The following ACKR3 variants were observed in gnomAD, a reference collection of about 807,000 sequenced individuals.
ACKR3 encodes the protein C-X-C chemokine receptor type 7.
In ACKR3, 6 loss-of-function variants were observed where a neutral mutation model predicts 22.4. The observed-to-expected ratio is 0.27, with a 90% CI of 0.15 to 0.53. ACKR3 has a LOEUF of 0.53. ACKR3 is among the 20% of genes least tolerant of loss of function. The pLI is 0.96. For synonymous variants in ACKR3, 209 were observed against 205.2 expected (o/e 1.02, Z -0.16); for missense variants, 396 against 475.2 (o/e 0.83, Z 1.55).
At chr2:236,576,700 G>A (rs1032956563) in intron 1 of ACKR3, among the ~76,000 whole-genome samples, 5 of 152,242 alleles carry the variant, frequency 3.3e-5, no homozygotes, top group African/African-American at 4.8e-5. Flanking sequence ...AGGCTGGGGC[G>A]GCCAGAGCCT....
At chr2:236,545,061 T>C in the ACKR3 span, among the ~76,000 whole-genome samples, 2 of 152,180 alleles carry the variant, frequency 1.3e-5, no homozygotes, top group Non-Finnish European at 2.9e-5. The surrounding 1 kb of genome is among the most constrained non-coding windows in gnomAD (Gnocchi z 5.3). Flanking sequence ...GAGCCTGATA[T>C]CTTGGGGCTG....
intron 1 of ACKR3, 42 bp downstream of exon 1, chr2:236,569,966 AG>A (rs1691275246): frequency 6.6e-6 from 1 of 152,280 alleles, no homozygotes; most frequent in Non-Finnish European, 1.5e-5. Flanking sequence ...CTCGGAAAGA[AG>A]GCACGGCTTC....
the ACKR3 span, among the ~76,000 whole-genome samples, chr2:236,551,900 C>T: frequency 5.3e-5 from 8 of 152,150 alleles, no homozygotes; most frequent in East Asian, 3.9e-4. Context: ...GCCCTGGTCC[C>T]GGCAGATCAA....
At chr2:236,566,798 T>G (rs1472105434), upstream of ACKR3, among the ~76,000 whole-genome samples, 1 of 146,156 alleles carries the variant, frequency 6.8e-6, no homozygotes, top group Non-Finnish European at 1.5e-5. Context: ...TCTCTGTTGC[T>G]TTCTTTCTTG....
At chr2:236,546,591 C>T in the ACKR3 span, among the ~76,000 whole-genome samples, 6 of 152,342 alleles carry the variant, frequency 3.9e-5, no homozygotes, top group Admixed American at 6.5e-5. This position sits in a 1 kb window ranked among gnomAD's most constrained non-coding sequence, Gnocchi z 4.9. Context: ...GCCTGCCAGA[C>T]GTGACCACCC....
the ACKR3 span, among the ~76,000 whole-genome samples, chr2:236,545,829 A>C: frequency 6.6e-6 from 1 of 152,230 alleles, no homozygotes; most frequent in East Asian, 1.9e-4. This position sits in a 1 kb window ranked among gnomAD's most constrained non-coding sequence, Gnocchi z 5.3. Flanking sequence ...AGTCATGTTT[A>C]TTTATTAAAT....
the ACKR3 span, among the ~76,000 whole-genome samples, chr2:236,549,950 T>A: frequency 6.6e-6 from 1 of 152,210 alleles, no homozygotes; most frequent in Admixed American, 6.5e-5. This position sits in a 1 kb window ranked among gnomAD's most constrained non-coding sequence, Gnocchi z 5.3. Context: ...TTTCTAGCTG[T>A]CTGGTGTTTC....
At chr2:236,543,876 T>G in the ACKR3 span, among the ~76,000 whole-genome samples, 1 of 146,198 alleles carries the variant, frequency 6.8e-6, no homozygotes, top group Non-Finnish European at 1.5e-5. Context: ...ATCCACGAAT[T>G]GAATTGTGCT....
At chr2:236,557,194 A>T in the ACKR3 span, among the ~76,000 whole-genome samples, 1 of 152,120 alleles carries the variant, frequency 6.6e-6, no homozygotes, top group Non-Finnish European at 1.5e-5. Flanking sequence ...GGAATTAGAG[A>T]TGCTGGTGGG....
At chr2:236,537,783 G>T in the ACKR3 span, among the ~76,000 whole-genome samples, 1 of 152,248 alleles carries the variant, frequency 6.6e-6, no homozygotes, top group African/African-American at 2.4e-5. Flanking sequence ...TCACCCACGT[G>T]CTCTCTTCCA....
upstream of ACKR3, among the ~76,000 whole-genome samples, chr2:236,569,261 A>G (rs76442878): frequency 8.6e-3 from 1,315 of 152,316 alleles, 7 homozygotes; most frequent in Middle Eastern, 0.034. Context: ...AGTATAATCT[A>G]TTATAAAGAC....
the ACKR3 span, among the ~76,000 whole-genome samples, chr2:236,548,222 T>C: frequency 6.6e-6 from 1 of 152,234 alleles, no homozygotes; most frequent in East Asian, 1.9e-4. The surrounding 1 kb of genome is among the most constrained non-coding windows in gnomAD (Gnocchi z 4.3). Context: ...ATGTATTTTA[T>C]GATTTAATTT....
At chr2:236,555,732 C>T in the ACKR3 span, among the ~76,000 whole-genome samples, 2 of 151,934 alleles carry the variant, frequency 1.3e-5, no homozygotes, top group African/African-American at 4.8e-5. Flanking sequence ...CCAGCAGATG[C>T]CTACTTTTTT....
At chr2:236,576,187 G>A (rs1174959789) in intron 1 of ACKR3, among the ~76,000 whole-genome samples, 2 of 152,258 alleles carry the variant, frequency 1.3e-5, no homozygotes, top group African/African-American at 4.8e-5. Context: ...GATTCCAGCA[G>A]AGGGTGACTG....
chr2:236,548,122 T>C, the ACKR3 span, among the ~76,000 whole-genome samples: 1 of 152,226 alleles, frequency 6.6e-6, no homozygotes, highest in Non-Finnish European at 1.5e-5. The surrounding 1 kb of genome is among the most constrained non-coding windows in gnomAD (Gnocchi z 4.3). Flanking sequence ...TTGCAGTCTG[T>C]ATCTGATAAT....
chr2:236,581,351 G>T lies in ACKR3; in HGVS notation c.886G>T (p.Ala296Ser). 6.2e-7 allele frequency: 1 copy of T among 1,613,978 alleles called. No individual in the cohort carries two copies. The highest frequency in any genetic ancestry group is 8.5e-7 in the Non-Finnish European group (1 of 1,180,024). Residue 296 changes from alanine (A) to serine (S), a missense_variant, in exon 2 of 2, where the codon GCC (alanine) becomes TCC (serine). Ala to Ser is a moderately conservative substitution (Grantham distance 99, BLOSUM62 1). Coordinates refer to ENST00000272928, the MANE Select transcript of ACKR3 (RefSeq NM_020311.3). The surrounding 1 kb of genome is among the most constrained non-coding windows in gnomAD (Gnocchi z 4.4). ...TCRLEHALFT[A>S]LHVTQCLSLV... is the part of the protein sequence containing the mutation. Reference sequence around the variant, plus strand: ...CCGGCTGGAGCACGCCCTCTTCACGGCCCTGCATGTCACACAGTGCCTGTC... The same window carrying T: ...CCGGCTGGAGCACGCCCTCTTCACGTCCCTGCATGTCACACAGTGCCTGTC...
the ACKR3 span, among the ~76,000 whole-genome samples, chr2:236,540,191 C>G: frequency 6.6e-6 from 1 of 152,098 alleles, no homozygotes; most frequent in Non-Finnish European, 1.5e-5. Context: ...TGCCAACACT[C>G]GACGTTGTCT....
the ACKR3 span, among the ~76,000 whole-genome samples, chr2:236,540,356 G>GTT: frequency 6.9e-6 from 1 of 145,360 alleles, no homozygotes. Context: ...TCTTTTGTCT[G>GTT]TTTTTTTTTT....
the ACKR3 span, among the ~76,000 whole-genome samples, chr2:236,537,503 G>A: frequency 6.6e-6 from 1 of 152,098 alleles, no homozygotes; most frequent in African/African-American, 2.4e-5. Flanking sequence ...TTTTATTAGT[G>A]TCATAATAAT....
Sources: gnomAD v4.1 joint callset for allele counts (sites outside exome capture counted in the v4.1 genomes callset) on GRCh38, gnomAD v4.1.1 for gene constraint, Gnocchi (gnomAD v3.1) non-coding constraint, MANE v1.5 for transcripts, NCBI Gene and HGNC (gene_info 2026-07-23, HGNC 2026-07-21) for gene names.